Variants in HS6ST2 observed in about 807,000 individuals in gnomAD.
HS6ST2 encodes heparan sulfate 6-O-sulfotransferase 2, also known as heparan-sulfate 6-O-sulfotransferase 2.
A neutral mutation model predicts 33.0 loss-of-function variants in HS6ST2; 17 were observed. That is an observed-to-expected ratio of 0.52 (90% CI 0.35 to 0.77). The LOEUF is 0.77. Among genes scored for constraint, HS6ST2 ranks in the 30% least tolerant of loss-of-function variants. The pLI is 0.01. For synonymous variants in HS6ST2, 248 were observed against 237.1 expected (o/e 1.05, Z -0.42); for missense variants, 519 against 551.7 (o/e 0.94, Z 0.59).
intron 2 of HS6ST2, among the ~76,000 whole-genome samples, chrX:132,883,878 C>G (rs762747934): frequency 8.9e-6 from 1 of 112,057 alleles, no homozygotes; most frequent in Non-Finnish European, 1.9e-5. Context: ...TGGTCCAGAC[C>G]AGGACATTCT....
At chrX:132,875,477 GA>G (rs931090940) in intron 2 of HS6ST2, among the ~76,000 whole-genome samples, 2 of 107,838 alleles carry the variant, frequency 1.9e-5, no homozygotes, top group African/African-American at 6.8e-5. Flanking sequence ...GGGCCTTTGT[GA>G]AAAAAAAAGT....
chrX:132,858,206 G>C (rs1236894289), intron 2 of HS6ST2, among the ~76,000 whole-genome samples: 1 of 111,777 alleles, frequency 8.9e-6, no homozygotes, highest in African/African-American at 3.2e-5. Flanking sequence ...CACAGGAAAG[G>C]GTGACTCACC....
intron 3 of HS6ST2, among the ~76,000 whole-genome samples, chrX:132,670,948 G>A (rs2063869296): frequency 8.9e-6 from 1 of 112,468 alleles, no homozygotes; most frequent in Non-Finnish European, 1.9e-5. Flanking sequence ...CTATCCCAGA[G>A]GAGGGGGCAG....
intron 2 of HS6ST2, among the ~76,000 whole-genome samples, chrX:132,873,086 C>T (rs1283850699): frequency 5.4e-5 from 6 of 111,530 alleles, no homozygotes; most frequent in African/African-American, 1.6e-4. Context: ...AAGAGGAAAA[C>T]GTTGTCACTG....
intron 4 of HS6ST2, among the ~76,000 whole-genome samples, chrX:132,637,878 A>ATTTTATATATAATAT (rs1218862211): frequency 4.6e-5 from 2 of 43,069 alleles, no homozygotes; most frequent in East Asian, 6.8e-4. Flanking sequence ...TATATATAAT[A>ATTTTATATATAATAT]TATATATAAT....
chrX:132,806,854 G>A (rs2065288711), intron 2 of HS6ST2, among the ~76,000 whole-genome samples: 1 of 109,610 alleles, frequency 9.1e-6, no homozygotes, highest in Non-Finnish European at 1.9e-5. Flanking sequence ...AATTGAAAGG[G>A]TAAGTAAATT....
chrX:132,864,210 A>G (rs1419598692), intron 2 of HS6ST2, among the ~76,000 whole-genome samples: 1 of 109,495 alleles, frequency 9.1e-6, no homozygotes, highest in Admixed American at 9.9e-5. Context: ...AAGGATCACA[A>G]CTCCTCGCGA....
At chrX:132,719,286 A>C (rs1041736825) in intron 2 of HS6ST2, among the ~76,000 whole-genome samples, 26 of 112,372 alleles carry the variant, frequency 2.3e-4, no homozygotes, top group African/African-American at 8.4e-4. Context: ...TCACACAGTC[A>C]TAACAGGGTC....
chrX:132,925,036 G>A (rs937897134), intron 2 of HS6ST2, among the ~76,000 whole-genome samples: 1 of 111,114 alleles, frequency 9.0e-6, no homozygotes, highest in African/African-American at 3.3e-5. Context: ...AGCTGTGATC[G>A]CGCCACTGCA....
intron 3 of HS6ST2, among the ~76,000 whole-genome samples, chrX:132,696,815 C>T (rs2064108263): frequency 9.0e-6 from 1 of 111,652 alleles, no homozygotes; most frequent in African/African-American, 3.3e-5. Flanking sequence ...TGTTGCTTTC[C>T]CTGTGGGATT....
intron 2 of HS6ST2, among the ~76,000 whole-genome samples, chrX:132,821,724 T>C (rs1173081673): frequency 9.0e-6 from 1 of 111,706 alleles, no homozygotes; most frequent in Non-Finnish European, 1.9e-5. Context: ...GGCATGGTGG[T>C]TCACGCCTAT....
chrX:132,869,496 A>G lies in HS6ST2; in HGVS notation c.947+87312T>C, dbSNP rs1215161920. ...AATTTCAGGCCAATATCCTTTATGAACATTGACGTGAAAATCCTCAATGAA... is the reference window on the plus strand; with the variant it reads ...AATTTCAGGCCAATATCCTTTATGAGCATTGACGTGAAAATCCTCAATGAA... On this transcript the variant is annotated intron_variant, in intron 2 of 4. Transcript: ENST00000370833. Among the ~76,000 whole-genome samples the G allele has an allele frequency of 2.1e-4, 23 of 112,111 alleles. No homozygotes were observed. In the Admixed American group the frequency reaches 2.2e-3, roughly 11 times the overall value.
At chrX:132,907,751 T>C (rs1322766520) in intron 2 of HS6ST2, among the ~76,000 whole-genome samples, 1 of 112,210 alleles carries the variant, frequency 8.9e-6, no homozygotes, top group East Asian at 2.8e-4. Context: ...ACCCCTACTT[T>C]ATGCCATATT....
intron 2 of HS6ST2, among the ~76,000 whole-genome samples, chrX:132,841,566 A>C (rs1178168098): frequency 8.9e-6 from 1 of 112,011 alleles, no homozygotes; most frequent in Admixed American, 9.5e-5. Flanking sequence ...CAATAGAATT[A>C]AGAGCAAACC....
At chrX:132,956,061 T>A (rs2067067845) in intron 2 of HS6ST2, among the ~76,000 whole-genome samples, 1 of 112,072 alleles carries the variant, frequency 8.9e-6, no homozygotes, top group Admixed American at 9.3e-5. Flanking sequence ...ATGCCTCTCA[T>A]GCAGCCAGTA....
At chrX:132,934,562 C>T (rs2066805735) in intron 2 of HS6ST2, among the ~76,000 whole-genome samples, 1 of 111,396 alleles carries the variant, frequency 9.0e-6, no homozygotes, top group Non-Finnish European at 1.9e-5. Context: ...GAAGTAGATT[C>T]TGATAATTTA....
intron 2 of HS6ST2, among the ~76,000 whole-genome samples, chrX:132,921,817 G>A (rs1317892723): frequency 1.8e-5 from 2 of 112,002 alleles, no homozygotes; most frequent in Non-Finnish European, 3.8e-5. Flanking sequence ...CCCGGATCCC[G>A]CCTGGGCAGG....
chrX:132,686,803 A>G (rs186843825), intron 3 of HS6ST2, among the ~76,000 whole-genome samples: 1 of 112,082 alleles, frequency 8.9e-6, no homozygotes, highest in East Asian at 2.8e-4. Context: ...TGCTATACTC[A>G]TTATGGCAGT....
intron 3 of HS6ST2, among the ~76,000 whole-genome samples, chrX:132,688,266 A>G (rs1355376030): frequency 1.8e-5 from 2 of 112,261 alleles, no homozygotes; most frequent in Admixed American, 1.9e-4. Flanking sequence ...CCCATGAAAA[A>G]TGACATGGTC....
Sources: gnomAD v4.1 joint callset for allele counts (sites outside exome capture counted in the v4.1 genomes callset) on GRCh38, gnomAD v4.1.1 for gene constraint, MANE v1.5 for transcripts, NCBI Gene and HGNC (gene_info 2026-07-23, HGNC 2026-07-21) for gene names.